SINHCAF: variants seen among roughly 807,000 people sequenced by gnomAD.
The protein encoded by SINHCAF is SIN3-HDAC complex associated factor.
Under a neutral mutation model 25.8 loss-of-function variants are expected in SINHCAF, and 3 were observed. That is an observed-to-expected ratio of 0.12 (90% CI 0.05 to 0.30). The LOEUF (loss-of-function observed/expected upper bound fraction) is 0.30, where lower values mean the gene tolerates loss of function less well. Ranked by LOEUF, SINHCAF falls within the 10% of genes least tolerant of loss-of-function variation. The pLI is 1.00. For synonymous variants in SINHCAF, 70 were observed against 85.5 expected (o/e 0.82, Z 1.00); for missense variants, 121 against 262.3 (o/e 0.46, Z 3.72).
Position 31,325,210 on chromosome 12 carries a change from C to CT in SINHCAF, c.-21+813dup, listed in dbSNP as rs1939917534. ...CCTCGCGGTGTCGCCCACACCTACG[C>CT]TACAGGTGAACGCACCGGGAGCAAA... On this transcript the variant is annotated intron_variant, in intron 1 of 5. Coordinates refer to ENST00000337682, the MANE Select transcript of SINHCAF (RefSeq NM_001135812.2). The surrounding 1 kb of genome is among the most constrained non-coding windows in gnomAD (Gnocchi z 5.9). 6.6e-6 allele frequency: 3 copies of CT among 456,764 alleles called. No homozygotes were observed. The highest frequency in any genetic ancestry group is 1.3e-5 in the Non-Finnish European group (3 of 226,982). 28.3% of individuals were successfully genotyped at this position (456,764 alleles called of 1,614,324 possible).
At chr12:31,310,505 G>A (rs998883561) in intron 1 of SINHCAF, among the ~76,000 whole-genome samples, 4 of 152,126 alleles carry the variant, frequency 2.6e-5, no homozygotes, top group African/African-American at 9.7e-5. Context: ...ACAGACAAGG[G>A]GAGAAGAGTT....
At chr12:31,285,051 C>T (rs1937977176) in intron 5 of SINHCAF, among the ~76,000 whole-genome samples, 1 of 152,164 alleles carries the variant, frequency 6.6e-6, no homozygotes. Context: ...TTAATAATAT[C>T]TATGAATGTG....
At chr12:31,306,509 CTT>C (rs1939033116) in intron 1 of SINHCAF, among the ~76,000 whole-genome samples, 2 of 152,170 alleles carry the variant, frequency 1.3e-5, no homozygotes, top group Admixed American at 6.5e-5. Flanking sequence ...GTACCCCCCC[CTT>C]TTGTTTCCAG....
intron 5 of SINHCAF, among the ~76,000 whole-genome samples, chr12:31,283,388 A>C (rs1937887454): frequency 6.6e-6 from 1 of 152,102 alleles, no homozygotes; most frequent in African/African-American, 2.4e-5. Flanking sequence ...AGATAACTTG[A>C]GGTCAGGAGT....
At chr12:31,319,670 T>TC (rs1360762002) in intron 1 of SINHCAF, among the ~76,000 whole-genome samples, 52 of 152,280 alleles carry the variant, frequency 3.4e-4, no homozygotes, top group Admixed American at 2.9e-3. Context: ...TCTCTTTTTT[T>TC]CCTCTTACAT....
At chr12:31,286,791 T>A (rs2137071965) in intron 5 of SINHCAF, among the ~76,000 whole-genome samples, 1 of 152,362 alleles carries the variant, frequency 6.6e-6, no homozygotes, top group South Asian at 2.1e-4. Context: ...GGTATCAAAC[T>A]TATATCAGCC....
At chr12:31,302,644 A>G (rs1047479060) in intron 1 of SINHCAF, among the ~76,000 whole-genome samples, 1 of 151,774 alleles carries the variant, frequency 6.6e-6, no homozygotes, top group Non-Finnish European at 1.5e-5. Flanking sequence ...CATTTTTTTA[A>G]ACAGGGGGAT....
chr12:31,295,196 G>C (rs772184747), intron 3 of SINHCAF, 38 bp downstream of exon 3: 20 of 1,196,384 alleles, frequency 1.7e-5, no homozygotes, highest in Non-Finnish European at 1.6e-5. Flanking sequence ...TTTAAATACA[G>C]TAGAGGTATA....
intron 1 of SINHCAF, among the ~76,000 whole-genome samples, chr12:31,320,443 G>A (rs1456391898): frequency 6.6e-6 from 1 of 152,124 alleles, no homozygotes; most frequent in African/African-American, 2.4e-5. Context: ...TTCACTTCTT[G>A]TTTACTGCAT....
At chr12:31,290,182 C>T (rs748704050) in intron 4 of SINHCAF, among the ~76,000 whole-genome samples, 2 of 152,090 alleles carry the variant, frequency 1.3e-5, no homozygotes, top group Non-Finnish European at 2.9e-5. Flanking sequence ...CAGAGTCTCA[C>T]TCTGTCGCCC....
rs1440384415 is a variant in SINHCAF at position 31,324,333 on chromosome 12, G to A, written c.-21+1691C>T. 1.8e-5 allele frequency: 3 copies of A among 164,510 alleles called. No homozygotes were observed. The highest frequency in any genetic ancestry group is 7.2e-5 in the African/African-American group (3 of 41,530). 10.2% of individuals were successfully genotyped at this position (164,510 alleles called of 1,614,324 possible). A position where few individuals can be genotyped will look rare whatever the true frequency, so the allele number is the denominator to read the frequency against. ...TCCCAGACACAGGCTCCCGGGCCAC[G>A]AGAAACCGGCCGAGCAGTCCGGGCC... On this transcript the variant is annotated intron_variant, in intron 1 of 5. Transcript: ENST00000337682. The surrounding 1 kb of genome is among the most constrained non-coding windows in gnomAD (Gnocchi z 5.5).
rs750141691 is a variant in SINHCAF, at chr12:31,293,966, T to A, written c.229-35A>T. 50 of 1,543,152 alleles carry A rather than the reference T, an allele frequency of 3.2e-5. 3 individuals are homozygous for A. The South Asian group carries it at 5.9e-4, about 18-fold the overall frequency. On this transcript the variant is annotated intron_variant, in intron 3 of 5. Transcript: ENST00000337682. ...AATACTGAATATTTAATAATATTTT[T>A]AAAATGACACCAGTGTATCCCTTTG...
intron 1 of SINHCAF, among the ~76,000 whole-genome samples, chr12:31,318,095 T>A (rs976674753): frequency 5.3e-5 from 8 of 152,188 alleles, no homozygotes; most frequent in African/African-American, 1.9e-4. Context: ...TTAATCACAT[T>A]TAAGTACAGC....
At chr12:31,308,704 G>A (rs1290191499) in intron 1 of SINHCAF, among the ~76,000 whole-genome samples, 1 of 152,042 alleles carries the variant, frequency 6.6e-6, no homozygotes, top group Non-Finnish European at 1.5e-5. Context: ...AAGTAAGTGG[G>A]GCGCTGTATA....
At position 31,293,949 on chromosome 12, in the gene SINHCAF, A is replaced by G; in HGVS notation, c.229-18T>C. Reference sequence around the variant, plus strand: ...TCTACCACCTGGAAGAAAATACTGAATATTTAATAATATTTTTAAAATGAC... The same window carrying G: ...TCTACCACCTGGAAGAAAATACTGAGTATTTAATAATATTTTTAAAATGAC... On this transcript the variant is annotated intron_variant, in intron 3 of 5. Coordinates refer to ENST00000337682, the MANE Select transcript of SINHCAF (RefSeq NM_001135812.2). The G allele has an allele frequency of 6.4e-7, 1 of 1,566,408 alleles. No individual in the cohort carries two copies. The highest frequency in any genetic ancestry group is 8.6e-7 in the Non-Finnish European group (1 of 1,161,232).
chr12:31,302,349 G>C (rs1938833830), intron 1 of SINHCAF, among the ~76,000 whole-genome samples: 1 of 151,822 alleles, frequency 6.6e-6, no homozygotes, highest in Non-Finnish European at 1.5e-5. Context: ...ATAAATGAGT[G>C]AATTTTATGG....
At chr12:31,313,322 C>T (rs1282802007) in intron 1 of SINHCAF, among the ~76,000 whole-genome samples, 1 of 152,168 alleles carries the variant, frequency 6.6e-6, no homozygotes, top group East Asian at 1.9e-4. Context: ...CCACCCCATG[C>T]AGCCAAGATC....
intron 2 of SINHCAF, among the ~76,000 whole-genome samples, chr12:31,296,183 G>A (rs1938542073): frequency 6.6e-6 from 1 of 151,866 alleles, no homozygotes; most frequent in South Asian, 2.1e-4. Context: ...GGGCGTGGGG[G>A]TGAACAGGAT....
intron 4 of SINHCAF, among the ~76,000 whole-genome samples, chr12:31,290,441 C>G (rs1360568952): frequency 6.6e-6 from 1 of 151,944 alleles, no homozygotes; most frequent in African/African-American, 2.4e-5. Context: ...CTGAATAGAG[C>G]TCACAAATAT....
Sources: gnomAD v4.1 joint callset for allele counts (sites outside exome capture counted in the v4.1 genomes callset) on GRCh38, gnomAD v4.1.1 for gene constraint, Gnocchi (gnomAD v3.1) non-coding constraint, MANE v1.5 for transcripts, NCBI Gene and HGNC (gene_info 2026-07-23, HGNC 2026-07-21) for gene names.